CADM2: variants seen among roughly 807,000 people sequenced by gnomAD.
CADM2 encodes cell adhesion molecule 2, also known as immunoglobulin superfamily member 4D.
Under a neutral mutation model 49.8 loss-of-function variants are expected in CADM2, and 12 were observed. That is an observed-to-expected ratio of 0.24 (90% CI 0.15 to 0.39). The LOEUF (loss-of-function observed/expected upper bound fraction) is 0.39. CADM2 is among the 10% of genes least tolerant of loss of function. The pLI, the probability that CADM2 is intolerant of heterozygous loss-of-function variation, is 1.00. For missense variants in CADM2, 378 were observed against 492.3 expected (o/e 0.77, Z 2.20); for synonymous variants, 214 against 175.4 (o/e 1.22, Z -1.74).
chr3:86,040,508 T>A (rs544007976), intron 8 of CADM2, among the ~76,000 whole-genome samples: 1 of 151,936 alleles, frequency 6.6e-6, no homozygotes, highest in Non-Finnish European at 1.5e-5. Flanking sequence ...ATGAATTAAA[T>A]GAAGCGAGAA....
intron 1 of CADM2, among the ~76,000 whole-genome samples, chr3:85,669,076 G>A (rs1300833749): frequency 1.3e-5 from 2 of 151,942 alleles, no homozygotes; most frequent in African/African-American, 2.4e-5. Context: ...GAAGCTTGTT[G>A]CCTTTAAACT....
At chr3:86,014,664 T>A (rs1426546616) in intron 8 of CADM2, 1 of 1,560,810 alleles carries the variant, frequency 6.4e-7, no homozygotes, top group African/African-American at 1.4e-5. Context: ...TCTGGTACCC[T>A]CAGTCATGGG....
chr3:85,289,202 T>C (rs1439979493), intron 1 of CADM2, among the ~76,000 whole-genome samples: 1 of 152,178 alleles, frequency 6.6e-6, no homozygotes, highest in Non-Finnish European at 1.5e-5. Flanking sequence ...AAGACATCAA[T>C]TATATCCTGA....
intron 1 of CADM2, among the ~76,000 whole-genome samples, chr3:85,164,797 AG>A (rs1321101139): frequency 1.3e-5 from 2 of 152,064 alleles, no homozygotes; most frequent in African/African-American, 4.8e-5. Context: ...TTTTTGTAGA[AG>A]AGTAAATTCA....
At chr3:85,071,168 G>T (rs1278573602) in intron 1 of CADM2, among the ~76,000 whole-genome samples, 1 of 151,738 alleles carries the variant, frequency 6.6e-6, no homozygotes, top group Admixed American at 6.6e-5. Flanking sequence ...TATATGTATT[G>T]ATATGATTAT....
intron 3 of CADM2, among the ~76,000 whole-genome samples, chr3:85,842,042 T>A (rs902691582): frequency 6.6e-6 from 1 of 152,128 alleles, no homozygotes; most frequent in Non-Finnish European, 1.5e-5. Context: ...TGCTTTTACA[T>A]TTAAAAAAAT....
intron 1 of CADM2, among the ~76,000 whole-genome samples, chr3:85,255,996 C>T (rs1002595808): frequency 3.3e-5 from 5 of 151,938 alleles, no homozygotes; most frequent in African/African-American, 1.2e-4. Context: ...TATGTGAAAG[C>T]ACCTAGACTG....
chr3:85,807,330 C>G (rs1481537539), intron 3 of CADM2, among the ~76,000 whole-genome samples: 1 of 151,954 alleles, frequency 6.6e-6, no homozygotes, highest in Non-Finnish European at 1.5e-5. Context: ...GAAAAACCAT[C>G]TCTACTAAAA....
intron 1 of CADM2, among the ~76,000 whole-genome samples, chr3:85,718,004 A>C (rs2067358994): frequency 6.6e-6 from 1 of 152,286 alleles, no homozygotes; most frequent in South Asian, 2.1e-4. Context: ...TCCTCACTTC[A>C]GGTGATCTGC....
intron 1 of CADM2, among the ~76,000 whole-genome samples, chr3:85,335,772 C>A (rs1213035949): frequency 6.6e-6 from 1 of 151,430 alleles, no homozygotes; most frequent in Admixed American, 6.6e-5. Flanking sequence ...AGATGTAATT[C>A]TTGAATGGTT....
intron 5 of CADM2, among the ~76,000 whole-genome samples, chr3:85,898,937 G>GTGTGTGTATATATATA (rs796467067): frequency 2.1e-5 from 1 of 46,696 alleles, no homozygotes; most frequent in Non-Finnish European, 3.4e-5. Context: ...CATTTATTGT[G>GTGTGTGTATATATATA]TATATATATA....
intron 2 of CADM2, among the ~76,000 whole-genome samples, chr3:85,732,959 A>G (rs759975688): frequency 3.3e-5 from 5 of 152,218 alleles, no homozygotes; most frequent in Non-Finnish European, 7.3e-5. Context: ...ATTTAAATGC[A>G]TTTACATATA....
chr3:85,294,412 C>T (rs1300678893), intron 1 of CADM2, among the ~76,000 whole-genome samples: 2 of 151,826 alleles, frequency 1.3e-5, no homozygotes, highest in South Asian at 2.1e-4. Flanking sequence ...CTACCAATGC[C>T]TTTCTTCACA....
At position 85,441,996 on chromosome 3, in the gene CADM2, T is replaced by C. The variant is rs116385404; in HGVS notation, c.62-284526T>C. Among the ~76,000 whole-genome samples the C allele has an allele frequency of 9.1e-3, 1,389 of 152,196 alleles. 21 individuals carry two copies. The highest frequency in any genetic ancestry group is 0.03 in the African/African-American group (1,259 of 41,548). The stretch of plus-strand genomic sequence containing the variant: ...AGATACCTGATTAAGTCTAATATCA[T>C]ATTATTTATGTTTCATCCCTGCTGC... On this transcript the variant is annotated intron_variant, in intron 1 of 9. Coordinates refer to ENST00000383699, the MANE Select transcript of CADM2 (RefSeq NM_001167675.2).
intron 1 of CADM2, among the ~76,000 whole-genome samples, chr3:85,659,902 G>A (rs2065346726): frequency 6.6e-6 from 1 of 152,130 alleles, no homozygotes; most frequent in South Asian, 2.1e-4. Flanking sequence ...AGCTGTGGAT[G>A]TATTTAGCCA....
chr3:85,529,492 AG>A (rs2061246162), intron 1 of CADM2, among the ~76,000 whole-genome samples: 1 of 152,214 alleles, frequency 6.6e-6, no homozygotes, highest in African/African-American at 2.4e-5. Flanking sequence ...TTGCTCTTTT[AG>A]TATACTCACT....
At chr3:86,037,010 G>T (rs1458713891) in intron 8 of CADM2, among the ~76,000 whole-genome samples, 1 of 152,038 alleles carries the variant, frequency 6.6e-6, no homozygotes, top group East Asian at 1.9e-4. Flanking sequence ...TATTAATGCT[G>T]TTAACTTGTC....
chr3:85,034,552 A>G (rs1559627512), intron 1 of CADM2, among the ~76,000 whole-genome samples: 1 of 152,146 alleles, frequency 6.6e-6, no homozygotes, highest in Non-Finnish European at 1.5e-5. Context: ...TAGTGCTGCA[A>G]TAAACATGGG....
At position 85,655,006 on chromosome 3, in the gene CADM2, G is replaced by C. The variant is rs991061446; in HGVS notation, c.62-71516G>C. On this transcript the variant is annotated intron_variant, in intron 1 of 9. Transcript: ENST00000383699. ...GGGAATTAAATCAGTTAACAAAGTG[G>C]CCCAAGGTCACACTGTTAGTTGAGA... 2.6e-5 allele frequency among the ~76,000 whole-genome samples: 4 copies of C among 152,084 alleles called. No individual in the cohort carries two copies. The East Asian group carries it at 5.8e-4, about 22-fold the overall frequency.
Sources: gnomAD v4.1 joint callset for allele counts (sites outside exome capture counted in the v4.1 genomes callset) on GRCh38, gnomAD v4.1.1 for gene constraint, MANE v1.5 for transcripts, NCBI Gene and HGNC (gene_info 2026-07-23, HGNC 2026-07-21) for gene names.